RIT2: variants seen among roughly 807,000 people sequenced by gnomAD.
RIT2 encodes Ras like without CAAX 2, also known as GTP-binding protein Rit2.
RIT2 carries 24 observed loss-of-function variants against 23.7 expected under a neutral mutation model. That is an observed-to-expected ratio of 1.01 (90% CI 0.73 to 1.43). RIT2 has a LOEUF of 1.43. RIT2 is among the 40% of genes most tolerant of loss of function. The probability of loss-of-function intolerance (pLI) is 0.00; values close to 1 mark genes in which losing one functional copy is unlikely to be tolerated. For synonymous variants in RIT2, 107 were observed against 91.1 expected (o/e 1.17, Z -0.99); for missense variants, 236 against 266.9 (o/e 0.88, Z 0.81).
At chr18:43,031,719 T>C (rs145057130) in intron 2 of RIT2, among the ~76,000 whole-genome samples, 17 of 152,180 alleles carry the variant, frequency 1.1e-4, no homozygotes, top group African/African-American at 4.1e-4. Context: ...AATAAAGCCA[T>C]ATATATCTCT....
intron 4 of RIT2, among the ~76,000 whole-genome samples, chr18:42,906,439 G>A (rs1908623805): frequency 6.6e-6 from 1 of 152,076 alleles, no homozygotes; most frequent in African/African-American, 2.4e-5. Flanking sequence ...TATAAGAGAT[G>A]TTCCCTTTGA....
chr18:42,956,557 G>A (rs561279096), intron 3 of RIT2, among the ~76,000 whole-genome samples: 1 of 152,240 alleles, frequency 6.6e-6, no homozygotes, highest in East Asian at 1.9e-4. Context: ...ATCACAGATT[G>A]ATCTTATTAA....
chr18:42,980,461 G>A (rs1910573707), intron 2 of RIT2, among the ~76,000 whole-genome samples: 1 of 151,966 alleles, frequency 6.6e-6, no homozygotes, highest in Admixed American at 6.6e-5. Flanking sequence ...GATGCTGATT[G>A]GTGTCAACTA....
chr18:42,939,259 A>G (rs530826396), intron 3 of RIT2, among the ~76,000 whole-genome samples: 1 of 152,194 alleles, frequency 6.6e-6, no homozygotes, highest in South Asian at 2.1e-4. Context: ...CTGCCACTTC[A>G]TAGGTCCCTA....
At chr18:43,030,544 A>G (rs1418637508) in intron 2 of RIT2, among the ~76,000 whole-genome samples, 1 of 152,136 alleles carries the variant, frequency 6.6e-6, no homozygotes, top group East Asian at 1.9e-4. Flanking sequence ...ACTAGGAACC[A>G]TCAAACAGAG....
chr18:42,780,289 G>T (rs996852087), intron 4 of RIT2, among the ~76,000 whole-genome samples: 1 of 151,910 alleles, frequency 6.6e-6, no homozygotes, highest in African/African-American at 2.4e-5. Context: ...AGGATTTCAA[G>T]ATTTCCTGAT....
At chr18:43,003,451 C>T (rs1202541049) in intron 2 of RIT2, among the ~76,000 whole-genome samples, 1 of 151,852 alleles carries the variant, frequency 6.6e-6, no homozygotes, top group Non-Finnish European at 1.5e-5. Context: ...GTTGATTTGT[C>T]TTATCCCTTC....
At chr18:42,972,133 A>G (rs964407343) in intron 3 of RIT2, among the ~76,000 whole-genome samples, 1 of 151,934 alleles carries the variant, frequency 6.6e-6, no homozygotes, top group Non-Finnish European at 1.5e-5. Context: ...ATTATCATGA[A>G]TAAAATTTAA....
chr18:42,842,077 C>T (rs1906782403), intron 4 of RIT2, among the ~76,000 whole-genome samples: 1 of 152,216 alleles, frequency 6.6e-6, no homozygotes, highest in African/African-American at 2.4e-5. Context: ...TGTTTATTTG[C>T]TGTAGGCTGA....
chr18:42,855,090 G>A (rs1021049775), intron 4 of RIT2, among the ~76,000 whole-genome samples: 3 of 152,114 alleles, frequency 2.0e-5, no homozygotes, highest in Admixed American at 6.5e-5. Flanking sequence ...TCAGTCATCA[G>A]AATTATATAT....
At chr18:42,929,059 T>TATA (rs1307173363) in intron 3 of RIT2, among the ~76,000 whole-genome samples, 2 of 50,224 alleles carry the variant, frequency 4.0e-5, no homozygotes, top group East Asian at 8.9e-4. Flanking sequence ...ATATATATAT[T>TATA]TATATGAGAC....
intron 1 of RIT2, among the ~76,000 whole-genome samples, chr18:43,071,294 G>A (rs969727046): frequency 5.9e-5 from 9 of 152,244 alleles, no homozygotes; most frequent in African/African-American, 1.7e-4. Flanking sequence ...GCTAGAATCC[G>A]ATGCTTTTAT....
At chr18:42,882,848 T>C (rs1303121123) in intron 4 of RIT2, among the ~76,000 whole-genome samples, 2 of 152,174 alleles carry the variant, frequency 1.3e-5, no homozygotes, top group African/African-American at 2.4e-5. Context: ...GTAGTTCTAG[T>C]AAACTATGAA....
intron 2 of RIT2, among the ~76,000 whole-genome samples, chr18:42,989,606 G>C (rs930721924): frequency 1.3e-5 from 2 of 152,098 alleles, no homozygotes; most frequent in Admixed American, 6.6e-5. Flanking sequence ...ATTACACTTA[G>C]AGAACGTGTC....
intron 4 of RIT2, among the ~76,000 whole-genome samples, chr18:42,906,453 C>G (rs145248948): frequency 6.6e-6 from 1 of 152,010 alleles, no homozygotes; most frequent in Admixed American, 6.6e-5. Context: ...CCTTTGATTA[C>G]AATAAAAGGG....
In RIT2 at chr18:42,924,579, A is replaced by G. The variant is rs373736636; in HGVS notation, c.235-816T>C. ...ACTACTGTTAAAATGACAATGGCTA[A>G]TTAGATAGAAGCAATGAAAAATATG... On this transcript the variant is annotated intron_variant, in intron 3 of 4. Coordinates refer to ENST00000326695, the MANE Select transcript of RIT2 (RefSeq NM_002930.4). Among the ~76,000 whole-genome samples, 6 of 152,088 alleles carry G rather than the reference A, an allele frequency of 3.9e-5. No individual in the cohort carries two copies. The East Asian group carries it at 7.7e-4, about 20-fold the overall frequency.
chr18:42,930,104 G>C (rs139049706), intron 3 of RIT2, among the ~76,000 whole-genome samples: 68 of 152,270 alleles, frequency 4.5e-4, no homozygotes, highest in African/African-American at 1.6e-3. Context: ...TTGTTGCCAA[G>C]TGAGATCAGA....
intron 3 of RIT2, among the ~76,000 whole-genome samples, chr18:42,944,678 TTGA>T (rs1312957108): frequency 6.6e-6 from 1 of 152,154 alleles, no homozygotes; most frequent in Non-Finnish European, 1.5e-5. Context: ...ATTGTTGTTG[TTGA>T]TGATGATGTT....
intron 4 of RIT2, among the ~76,000 whole-genome samples, chr18:42,846,825 C>G (rs1044766731): frequency 2.0e-5 from 3 of 152,050 alleles, no homozygotes; most frequent in African/African-American, 7.2e-5. Context: ...AAACATCATA[C>G]TTCAATTTTA....
Sources: allele counts gnomAD v4.1 joint callset (sites outside exome capture counted in the v4.1 genomes callset), GRCh38; gene constraint gnomAD v4.1.1; transcripts MANE v1.5; gene names NCBI Gene and HGNC (gene_info 2026-07-23, HGNC 2026-07-21).